PAK5: variants seen among roughly 807,000 people sequenced by gnomAD.
PAK5 encodes the protein p21 (RAC1) activated kinase 5, also known as serine/threonine-protein kinase PAK 5.
In PAK5, 16 loss-of-function variants were observed where a neutral mutation model predicts 65.9. The observed-to-expected ratio is 0.24, with a 90% CI of 0.16 to 0.37. The LOEUF is 0.37. PAK5 is among the 10% of genes least tolerant of loss of function. The probability of loss-of-function intolerance (pLI) is 1.00; values close to 1 mark genes in which losing one functional copy is unlikely to be tolerated. For synonymous variants in PAK5, 371 were observed against 354.9 expected (o/e 1.05, Z -0.51); for missense variants, 785 against 903.9 (o/e 0.87, Z 1.69).
intron 2 of PAK5, among the ~76,000 whole-genome samples, chr20:9,675,971 T>C (rs1042942886): frequency 7.2e-5 from 11 of 152,328 alleles, no homozygotes; most frequent in African/African-American, 2.2e-4. Flanking sequence ...TAGTTTATTT[T>C]CATGCTGCTG....
At chr20:9,595,925 A>T (rs1220747034) in intron 3 of PAK5, among the ~76,000 whole-genome samples, 1 of 151,272 alleles carries the variant, frequency 6.6e-6, no homozygotes, top group African/African-American at 2.5e-5. Context: ...TTTATAGCTT[A>T]ACTATTGATT....
chr20:9,680,119 T>A (rs2047629832), intron 2 of PAK5, among the ~76,000 whole-genome samples: 1 of 152,202 alleles, frequency 6.6e-6, no homozygotes, highest in Admixed American at 6.5e-5. Context: ...CAGGCTTCAT[T>A]CACTGATTAA....
rs1485025248 is a variant in PAK5, at chr20:9,799,899, C to CCACTG, written c.-162+38858_-162+38862dup. Among the ~76,000 whole-genome samples, 113 of 133,940 alleles carry CCACTG rather than the reference C, an allele frequency of 8.4e-4. 2 individuals carry two copies. In the Admixed American group the frequency reaches 9.3e-3, roughly 11 times the overall value. The allele number at this position is 133,940 out of a possible 152,430, so 87.9% of individuals were successfully genotyped here. A position where few individuals can be genotyped will look rare whatever the true frequency, so the allele number is the denominator to read the frequency against. On this transcript the variant is annotated intron_variant, in intron 1 of 9. Transcript: ENST00000353224. The stretch of plus-strand genomic sequence containing the variant: ...GAAGTTGTTGTGAGCCAAGACCACA[C>CCACTG]CACTGCACTCCAGCCTGTAATAGAG...
At chr20:9,661,641 CA>C (rs2123334232) in intron 2 of PAK5, among the ~76,000 whole-genome samples, 1 of 152,266 alleles carries the variant, frequency 6.6e-6, no homozygotes, top group Admixed American at 6.5e-5. Flanking sequence ...TACCAGGATA[CA>C]AGCTCCCATT....
intron 2 of PAK5, among the ~76,000 whole-genome samples, chr20:9,645,833 G>A (rs1195573521): frequency 1.1e-4 from 16 of 152,108 alleles, no homozygotes; most frequent in South Asian, 4.1e-4. Context: ...TGATCCGCCC[G>A]CCTCGGCCTC....
chr20:9,777,535 A>G (rs1338810601), intron 1 of PAK5, among the ~76,000 whole-genome samples: 3 of 152,214 alleles, frequency 2.0e-5, no homozygotes, highest in African/African-American at 7.2e-5. Context: ...ACTGTGAGTC[A>G]ATAAAATCTC....
rs376953885 is a variant in PAK5, at chr20:9,834,209, T to G, written c.-162+4553A>C. ...TTTAAAAATCACCCTTTTATGAGACTAATATAAAAATCTGAAATTGAAGCC... is the reference window on the plus strand; with the variant it reads ...TTTAAAAATCACCCTTTTATGAGACGAATATAAAAATCTGAAATTGAAGCC... On this transcript the variant is annotated intron_variant, in intron 1 of 9. Transcript: ENST00000353224. 2.4e-3 allele frequency among the ~76,000 whole-genome samples: 358 copies of G among 152,324 alleles called. 3 individuals are homozygous for G. Among genetic ancestry groups the G allele is most frequent in the African/African-American group, 8.2e-3 (341 of 41,572 alleles).
At chr20:9,719,756 C>A (rs922873837) in intron 1 of PAK5, among the ~76,000 whole-genome samples, 1 of 152,136 alleles carries the variant, frequency 6.6e-6, no homozygotes, top group East Asian at 1.9e-4. Context: ...TGGGCTTCCT[C>A]ATCCTAAAAC....
At chr20:9,616,678 G>A (rs1382580076) in intron 3 of PAK5, among the ~76,000 whole-genome samples, 1 of 152,190 alleles carries the variant, frequency 6.6e-6, no homozygotes, top group Admixed American at 6.5e-5. Flanking sequence ...GCACAGCAGG[G>A]TGATAATACA....
intron 3 of PAK5, among the ~76,000 whole-genome samples, chr20:9,639,207 T>C (rs1600180613): frequency 6.6e-6 from 1 of 152,212 alleles, no homozygotes; most frequent in Admixed American, 6.5e-5. Context: ...AATGGGATCA[T>C]ACAAACTATA....
At chr20:9,673,554 T>A (rs1397681415) in intron 2 of PAK5, among the ~76,000 whole-genome samples, 1 of 152,212 alleles carries the variant, frequency 6.6e-6, no homozygotes, top group Non-Finnish European at 1.5e-5. Flanking sequence ...GGATAGTACA[T>A]CTCTAAAGCC....
At chr20:9,669,133 A>G (rs1483824662) in intron 2 of PAK5, among the ~76,000 whole-genome samples, 1 of 152,250 alleles carries the variant, frequency 6.6e-6, no homozygotes, top group Non-Finnish European at 1.5e-5. Context: ...TATGTAACAC[A>G]TCTTTTAAGA....
chr20:9,675,272 C>T (rs2047554479), intron 2 of PAK5, among the ~76,000 whole-genome samples: 1 of 152,006 alleles, frequency 6.6e-6, no homozygotes, highest in African/African-American at 2.4e-5. Flanking sequence ...TTAAAGCAGT[C>T]CAGCTGCATA....
chr20:9,792,430 A>C (rs1477420445), intron 1 of PAK5, among the ~76,000 whole-genome samples: 1 of 152,168 alleles, frequency 6.6e-6, no homozygotes, highest in Non-Finnish European at 1.5e-5. Flanking sequence ...GCCAAGAGCC[A>C]AGTGCTTTTC....
At chr20:9,623,603 C>A (rs1261197191) in intron 3 of PAK5, among the ~76,000 whole-genome samples, 2 of 151,918 alleles carry the variant, frequency 1.3e-5, no homozygotes, top group East Asian at 1.9e-4. Flanking sequence ...CTTACAGATA[C>A]CCAAATAAAA....
At chr20:9,569,657 G>T (rs910831491) in intron 4 of PAK5, among the ~76,000 whole-genome samples, 1 of 152,182 alleles carries the variant, frequency 6.6e-6, no homozygotes, top group Admixed American at 6.5e-5. Context: ...GCAAGCAGGT[G>T]TTTCAAGCTC....
At chr20:9,790,268 A>AC (rs1174991307) in intron 1 of PAK5, among the ~76,000 whole-genome samples, 1 of 152,136 alleles carries the variant, frequency 6.6e-6, no homozygotes, top group Non-Finnish European at 1.5e-5. Flanking sequence ...TGCCATAATT[A>AC]AGGTATAGCA....
intron 3 of PAK5, among the ~76,000 whole-genome samples, chr20:9,630,425 G>A (rs78159260): frequency 0.014 from 2,067 of 152,296 alleles, 55 homozygotes; most frequent in African/African-American, 0.045. Context: ...TCGTCCCTCA[G>A]TCATCTCAGA....
chr20:9,667,494 A>G (rs958486682), intron 2 of PAK5, among the ~76,000 whole-genome samples: 4 of 100,838 alleles, frequency 4.0e-5, no homozygotes, highest in Non-Finnish European at 7.7e-5. Flanking sequence ...TCCAGTCAAC[A>G]GTCCCAGCTG....
Sources: allele counts gnomAD v4.1 joint callset (sites outside exome capture counted in the v4.1 genomes callset), GRCh38; gene constraint gnomAD v4.1.1; transcripts MANE v1.5; gene names NCBI Gene and HGNC (gene_info 2026-07-23, HGNC 2026-07-21).